Variants in SLC35F1 observed in about 807,000 individuals in gnomAD.
The protein encoded by SLC35F1 is solute carrier family 35 member F1.
Under a neutral mutation model 48.7 loss-of-function variants are expected in SLC35F1, and 14 were observed. The observed-to-expected ratio is 0.29, with a 90% confidence interval of 0.19 to 0.45. The LOEUF (loss-of-function observed/expected upper bound fraction) is 0.45. Ranked by LOEUF, SLC35F1 falls within the 20% of genes least tolerant of loss-of-function variation. SLC35F1 has a pLI of 1.00. For synonymous variants in SLC35F1, 190 were observed against 202.2 expected (o/e 0.94, Z 0.51); for missense variants, 404 against 500.0 (o/e 0.81, Z 1.83).
intron 1 of SLC35F1, among the ~76,000 whole-genome samples, chr6:118,148,539 A>C (rs1353387733): frequency 6.6e-6 from 1 of 152,194 alleles, no homozygotes; most frequent in African/African-American, 2.4e-5. Flanking sequence ...AGCTTCCAGC[A>C]GCACTATTTT....
In SLC35F1 at chr6:118,317,309, C is replaced by G. The variant is rs1378897604; in HGVS notation, c.*3057C>G. On this transcript the variant is annotated 3_prime_UTR_variant, in exon 8 of 8. Coordinates refer to ENST00000360388, the MANE Select transcript of SLC35F1 (RefSeq NM_001029858.4). ...CAAGCAATGGAAAAATTTGCACCAC[C>G]GTGTCCCATGAAATTGTTTCAATGT... 6.6e-6 allele frequency: 1 copy of G among 152,056 alleles called. No homozygotes were observed. Among genetic ancestry groups the G allele is most frequent in the African/African-American group, 2.4e-5 (1 of 41,340 alleles). 9.4% of individuals were successfully genotyped at this position (152,056 alleles called of 1,614,324 possible). A position where few individuals can be genotyped will look rare whatever the true frequency, so the allele number is the denominator to read the frequency against.
intron 3 of SLC35F1, among the ~76,000 whole-genome samples, chr6:118,262,439 T>G (rs75661348): frequency 0.014 from 2,073 of 152,270 alleles, 55 homozygotes; most frequent in African/African-American, 0.047. Flanking sequence ...TAAATGACGC[T>G]TCAATCTTCC....
chr6:118,301,066 T>A (rs1776250597), intron 7 of SLC35F1, among the ~76,000 whole-genome samples: 1 of 152,154 alleles, frequency 6.6e-6, no homozygotes, highest in East Asian at 1.9e-4. Context: ...AAGGACTGGC[T>A]TTATGTTGGA....
chr6:118,281,273 C>G (rs1353325130), intron 6 of SLC35F1, among the ~76,000 whole-genome samples: 1 of 148,926 alleles, frequency 6.7e-6, no homozygotes, highest in Non-Finnish European at 1.5e-5. Flanking sequence ...TCCTTCAAAG[C>G]CTTATTTCTC....
chr6:118,096,049 C>T (rs1773172012), intron 1 of SLC35F1, among the ~76,000 whole-genome samples: 1 of 152,152 alleles, frequency 6.6e-6, no homozygotes, highest in East Asian at 1.9e-4. Context: ...ACTCTATACT[C>T]TCTCCAAAAT....
intron 4 of SLC35F1, 30 bp from the exon 5 acceptor site, chr6:118,275,429 C>T (rs754539751): frequency 2.9e-5 from 46 of 1,591,492 alleles, no homozygotes; most frequent in Non-Finnish European, 3.6e-5. Flanking sequence ...AATGATGCTC[C>T]CTCTGTTTGT....
chr6:117,923,748 TAC>T (rs1201497918), intron 1 of SLC35F1, among the ~76,000 whole-genome samples: 6 of 65,092 alleles, frequency 9.2e-5, no homozygotes, highest in South Asian at 1.1e-3. Flanking sequence ...TACATATATG[TAC>T]ATATATACAT....
intron 2 of SLC35F1, among the ~76,000 whole-genome samples, chr6:118,219,731 C>T (rs1582736164): frequency 1.3e-5 from 2 of 152,112 alleles, no homozygotes; most frequent in East Asian, 1.9e-4. Context: ...ATGTTTATTG[C>T]AGCAGTATTC....
At chr6:118,236,022 T>A (rs571868355) in intron 3 of SLC35F1, among the ~76,000 whole-genome samples, 12 of 152,214 alleles carry the variant, frequency 7.9e-5, no homozygotes, top group Non-Finnish European at 1.8e-4. Flanking sequence ...AAATCAATTT[T>A]AATCACAACT....
chr6:118,025,288 G>A (rs917371978), intron 1 of SLC35F1, among the ~76,000 whole-genome samples: 3 of 152,130 alleles, frequency 2.0e-5, no homozygotes, highest in Non-Finnish European at 4.4e-5. Context: ...TTTGTAGAAG[G>A]TCTCTTGATG....
rs117643172 is a variant in SLC35F1 at position 118,221,048 on chromosome 6, C to G, written c.350-14461C>G. On this transcript the variant is annotated intron_variant, in intron 2 of 7. Coordinates refer to ENST00000360388, the MANE Select transcript of SLC35F1 (RefSeq NM_001029858.4). ...TCCTCTCCTGGTTCTTGGCAGGAAC[C>G]ATAATTCAAATTATGTCCTCTCTTA... 1.7e-3 allele frequency among the ~76,000 whole-genome samples: 254 copies of G among 152,200 alleles called. 4 individuals are homozygous for G. The highest frequency in any genetic ancestry group is 0.014 in the East Asian group (71 of 5,182).
chr6:118,095,878 A>T (rs1264107718), intron 1 of SLC35F1, among the ~76,000 whole-genome samples: 1 of 152,188 alleles, frequency 6.6e-6, no homozygotes, highest in African/African-American at 2.4e-5. Flanking sequence ...GACTGGATGA[A>T]TGTCACACAC....
chr6:118,081,718 A>G (rs993668301), intron 1 of SLC35F1, among the ~76,000 whole-genome samples: 2 of 152,194 alleles, frequency 1.3e-5, no homozygotes, highest in African/African-American at 4.8e-5. Flanking sequence ...CCATTCTTTC[A>G]GAGTGATGTG....
rs1199042450 is a variant in SLC35F1 at position 118,156,508 on chromosome 6, A to G, written c.349+1888A>G. ...TTGGACACAGGGTGGGGAACATCAC[A>G]CACCAGGGCCTGTTGGGGGTTGAGG... On this transcript the variant is annotated intron_variant, in intron 2 of 7. Coordinates refer to ENST00000360388, the MANE Select transcript of SLC35F1 (RefSeq NM_001029858.4). Among the ~76,000 whole-genome samples the G allele has an allele frequency of 2.0e-5, 3 of 152,128 alleles. No homozygotes were observed. In the East Asian group the frequency reaches 5.8e-4, roughly 29 times the overall value.
intron 3 of SLC35F1, among the ~76,000 whole-genome samples, chr6:118,264,212 T>C (rs890687389): frequency 6.6e-6 from 1 of 152,136 alleles, no homozygotes; most frequent in African/African-American, 2.4e-5. Flanking sequence ...CATGAGACAA[T>C]CTTGCAAAAT....
intron 1 of SLC35F1, among the ~76,000 whole-genome samples, chr6:118,128,910 C>G (rs1773669856): frequency 6.6e-6 from 1 of 152,056 alleles, no homozygotes; most frequent in Non-Finnish European, 1.5e-5. Flanking sequence ...CTTTGAAGCT[C>G]AGTGTTTTAA....
At chr6:118,071,066 ATATATACTATGTG>A (rs796975835) in intron 1 of SLC35F1, among the ~76,000 whole-genome samples, 509 of 4,778 alleles carry the variant, frequency 0.11, 1 homozygote, top group Non-Finnish European at 0.13. Flanking sequence ...TATTCTACGT[ATATATACTATGTG>A]TATATATACA....
intron 1 of SLC35F1, among the ~76,000 whole-genome samples, chr6:117,996,562 C>T (rs533028659): frequency 7.2e-5 from 11 of 152,264 alleles, no homozygotes; most frequent in African/African-American, 2.2e-4. Context: ...CTCACACGGC[C>T]GGGTACTCCT....
chr6:118,044,368 GT>G (rs1281145384), intron 1 of SLC35F1, among the ~76,000 whole-genome samples: 5 of 152,080 alleles, frequency 3.3e-5, no homozygotes. Flanking sequence ...CTTTCTTCCT[GT>G]GGTTAAGTAA....
Sources: gnomAD v4.1 joint callset for allele counts (sites outside exome capture counted in the v4.1 genomes callset) on GRCh38, gnomAD v4.1.1 for gene constraint, MANE v1.5 for transcripts, NCBI Gene and HGNC (gene_info 2026-07-23, HGNC 2026-07-21) for gene names.